Variants in FOCAD observed in about 807,000 individuals in gnomAD.
FOCAD encodes the protein focadhesin, also known as KIAA1797.
In FOCAD, 198 loss-of-function variants were observed where a neutral mutation model predicts 225.6. That is an observed-to-expected ratio of 0.88 (90% CI 0.78 to 0.99). The LOEUF is 0.99. FOCAD is among the 50% of genes least tolerant of loss of function. FOCAD has a pLI of 0.00. For missense variants in FOCAD, 2,713 were observed against 2,123.6 expected, an observed-to-expected ratio of 1.28 and a Z score of -5.46; for synonymous variants, 897 against 755.0, an observed-to-expected ratio of 1.19 and a Z score of -3.08.
intron 35 of FOCAD, among the ~76,000 whole-genome samples, chr9:20,966,364 T>G (rs1839254093): frequency 2.0e-5 from 3 of 152,008 alleles, no homozygotes; most frequent in Admixed American, 2.0e-4. Flanking sequence ...CCTTTGCCTA[T>G]TTAAAAAAAA....
intron 1 of FOCAD, among the ~76,000 whole-genome samples, chr9:20,714,622 GCCTGCCTGCCTGCCTT>G (rs941917899): frequency 8.8e-6 from 1 of 113,010 alleles, no homozygotes; most frequent in South Asian, 3.0e-4. Context: ...CTGCCTGCCT[GCCTGCCTGCCTGCCTT>G]CCTTCCTTCC....
chr9:20,857,337 A>C (rs777234505), intron 15 of FOCAD, among the ~76,000 whole-genome samples: 18 of 151,354 alleles, frequency 1.2e-4, no homozygotes, highest in Non-Finnish European at 2.4e-4. Context: ...ATTCCTATGT[A>C]TTTTATTTTA....
intron 4 of FOCAD, among the ~76,000 whole-genome samples, chr9:20,723,625 T>C (rs937539117): frequency 6.6e-6 from 1 of 152,260 alleles, no homozygotes; most frequent in Non-Finnish European, 1.5e-5. Context: ...GTAGGTCTTA[T>C]TATATTCTAT....
chr9:20,822,121 C>G (rs1045003508), intron 14 of FOCAD, among the ~76,000 whole-genome samples: 1 of 150,012 alleles, frequency 6.7e-6, no homozygotes, highest in African/African-American at 2.4e-5. Context: ...GGCTGACATT[C>G]TTATTCTATA....
chr9:20,761,671 C>T (rs1010051124), intron 6 of FOCAD, among the ~76,000 whole-genome samples: 4 of 152,074 alleles, frequency 2.6e-5, no homozygotes, highest in South Asian at 2.1e-4. Flanking sequence ...CCACCCGCCT[C>T]GGACTCCTAA....
chr9:20,958,935 T>C (rs1399049235), intron 35 of FOCAD, among the ~76,000 whole-genome samples: 1 of 152,156 alleles, frequency 6.6e-6, no homozygotes, highest in East Asian at 1.9e-4. Flanking sequence ...AATCCATTCA[T>C]CTATTGTTGG....
At chr9:20,830,012 TG>T in intron 15 of FOCAD, among the ~76,000 whole-genome samples, 1 of 152,064 alleles carries the variant, frequency 6.6e-6, no homozygotes, top group Admixed American at 6.6e-5. Flanking sequence ...TGACAAAAGT[TG>T]AATAATTGCC....
intron 28 of FOCAD, among the ~76,000 whole-genome samples, chr9:20,940,516 C>G (rs561382362): frequency 1.5e-4 from 23 of 152,134 alleles, no homozygotes; most frequent in East Asian, 1.9e-4. Flanking sequence ...AACTCCTGGC[C>G]TCGAGTAATC....
chr9:20,975,437 C>T (rs1187488316), intron 35 of FOCAD, among the ~76,000 whole-genome samples: 4 of 152,162 alleles, frequency 2.6e-5, no homozygotes, highest in African/African-American at 4.8e-5. Flanking sequence ...CACCATGGCA[C>T]AGGCTGGGAA....
At chr9:20,674,458 C>A (rs1013845593) in intron 2 of FOCAD, among the ~76,000 whole-genome samples, 7 of 152,114 alleles carry the variant, frequency 4.6e-5, no homozygotes, top group Admixed American at 3.3e-4. Flanking sequence ...CATCTGTCAG[C>A]GCACCACTGG....
intron 35 of FOCAD, among the ~76,000 whole-genome samples, chr9:20,966,902 A>G (rs1039348573): frequency 1.3e-5 from 2 of 152,074 alleles, no homozygotes; most frequent in African/African-American, 4.8e-5. Flanking sequence ...CTTTATATGT[A>G]CTAATACCAC....
In FOCAD at chr9:20,912,874, A is replaced by C; in HGVS notation, c.2727A>C (p.Leu909=). The change falls in exon 23 of 44, where the codon CTA becomes CTC. Residue 909 remains leucine, a synonymous_variant. Coordinates refer to ENST00000338382, the MANE Select transcript of FOCAD (RefSeq NM_001375567.1). The stretch of plus-strand genomic sequence containing the variant: ...TGCTGTGATTTTTGCAGGGAAGACT[A>C]GGAGAGCTGGAGTTGCAGTTAAAAC... ...RAYHAILQGR[L]GELELQLKHG... 6.2e-7 allele frequency: 1 copy of C among 1,613,110 alleles called. No homozygotes were observed. The highest frequency in any genetic ancestry group is 8.5e-7 in the Non-Finnish European group (1 of 1,179,388).
intron 2 of FOCAD, among the ~76,000 whole-genome samples, chr9:20,669,367 G>GACTTCCACTTGGC (rs1821989375): frequency 6.6e-6 from 1 of 152,168 alleles, no homozygotes; most frequent in Non-Finnish European, 1.5e-5. Context: ...AGAAGCCTGA[G>GACTTCCACTTGGC]AAGCACTTGG....
At chr9:20,800,987 G>C (rs201330020) in intron 11 of FOCAD, among the ~76,000 whole-genome samples, 2 of 151,958 alleles carry the variant, frequency 1.3e-5, no homozygotes, top group Non-Finnish European at 2.9e-5. Flanking sequence ...TTTTATCTAC[G>C]TTAGGTCTTT....
chr9:20,830,356 T>C (rs1234915157), intron 15 of FOCAD, among the ~76,000 whole-genome samples: 1 of 152,132 alleles, frequency 6.6e-6, no homozygotes, highest in African/African-American at 2.4e-5. Context: ...TTACACTTTA[T>C]ATTAAAGGTG....
chr9:20,984,098 A>G (rs185634859), intron 39 of FOCAD, among the ~76,000 whole-genome samples: 3 of 152,346 alleles, frequency 2.0e-5, no homozygotes, highest in Admixed American at 1.3e-4. Flanking sequence ...TGCTTCAGCA[A>G]GGTCAGAGTT....
chr9:20,815,123 G>GTGTGTTTTTTTT (rs1564024181), intron 11 of FOCAD, among the ~76,000 whole-genome samples: 1 of 85,396 alleles, frequency 1.2e-5, no homozygotes. Context: ...ACTTCTCTTT[G>GTGTGTTTTTTTT]TTTTTTTTTT....
intron 15 of FOCAD, among the ~76,000 whole-genome samples, chr9:20,823,640 C>CTGTTTTAGAGAAA (rs1455452315): frequency 6.6e-6 from 1 of 152,054 alleles, no homozygotes; most frequent in Non-Finnish European, 1.5e-5. Flanking sequence ...AGAGAATCTA[C>CTGTTTTAGAGAAA]TGTTTTAGAG....
rs1018643511 is a variant in FOCAD at position 20,930,672 on chromosome 9, C to T, written c.3317+1076C>T. 2.6e-5 allele frequency among the ~76,000 whole-genome samples: 4 copies of T among 152,252 alleles called. No individual in the cohort carries two copies. The East Asian group carries it at 7.7e-4, about 29-fold the overall frequency. On this transcript the variant is annotated intron_variant, in intron 27 of 43. Transcript: ENST00000338382. Reference sequence around the variant, plus strand: ...TGGGGAATACCATATTTCAGATGATCATTTTCAGCTCTTAGAAACATCTGT... The same window carrying T: ...TGGGGAATACCATATTTCAGATGATTATTTTCAGCTCTTAGAAACATCTGT...
Sources: allele counts gnomAD v4.1 joint callset (sites outside exome capture counted in the v4.1 genomes callset), GRCh38; gene constraint gnomAD v4.1.1; transcripts MANE v1.5; gene names NCBI Gene and HGNC (gene_info 2026-07-23, HGNC 2026-07-21).